The following UGT2B17 variants were observed in gnomAD, a reference collection of about 807,000 sequenced individuals.
UGT2B17 encodes the protein UDP-glucuronosyltransferase 2B17.
Under a neutral mutation model 48.2 loss-of-function variants are expected in UGT2B17, and 21 were observed. That is an observed-to-expected ratio of 0.44 (90% CI 0.31 to 0.63). The LOEUF (loss-of-function observed/expected upper bound fraction) is 0.63. Ranked by LOEUF, UGT2B17 falls within the 20% of genes least tolerant of loss-of-function variation. The pLI is 0.08. For synonymous variants in UGT2B17, 146 were observed against 238.4 expected (o/e 0.61, Z 3.57); for missense variants, 402 against 696.1 (o/e 0.58, Z 4.75).
At chr4:68,551,801 G>A (rs148623504) in intron 5 of UGT2B17, 23 bp downstream of exon 5, 25,092 of 1,253,218 alleles carry the variant, frequency 0.02, 5,810 homozygotes, top group Middle Eastern at 0.046. Context: ...AATATATTCA[G>A]TATTTGTTCT....
At chr4:68,563,254 G>T (rs1332343826) in intron 3 of UGT2B17, among the ~76,000 whole-genome samples, 2 of 127,072 alleles carry the variant, frequency 1.6e-5, no homozygotes, top group Non-Finnish European at 3.3e-5. Flanking sequence ...GTGTACAAAA[G>T]AATTAGAGAA....
Position 68,543,766 on chromosome 4 carries a change from C to A in UGT2B17, c.1314-5862G>T, listed in dbSNP as rs775802343. On this transcript the variant is annotated intron_variant, in intron 6 of 6. Transcript: ENST00000317746. ...CCTGATGGAGCTGAAAACCATGGCA[C>A]GAGAACTATGTGATGAATGCACAAG... Among the ~76,000 whole-genome samples, 2 of 124,714 alleles carry A rather than the reference C, an allele frequency of 1.6e-5. 1 individual carries two copies. The highest frequency in any genetic ancestry group is 3.4e-5 in the Non-Finnish European group (2 of 59,176). The allele number at this position is 124,714 out of a possible 152,430, so 81.8% of individuals were successfully genotyped here.
At chr4:68,555,856 A>T (rs1475977654) in intron 4 of UGT2B17, among the ~76,000 whole-genome samples, 1 of 123,858 alleles carries the variant, frequency 8.1e-6, no homozygotes, top group Non-Finnish European at 1.7e-5. Flanking sequence ...TTTAAAGGTT[A>T]TGTATAAAAC....
In UGT2B17 at chr4:68,568,056, CT is replaced by C; in HGVS notation, c.428del (p.Glu143GlyfsTer60). 1 of 1,382,994 alleles carries C rather than the reference CT, an allele frequency of 7.2e-7. No homozygotes were observed. Among genetic ancestry groups the C allele is most frequent in the Non-Finnish European group, 9.5e-7 (1 of 1,055,512 alleles). The allele number at this position is 1,382,994 out of a possible 1,614,324, so 85.7% of individuals were successfully genotyped here. The stretch of plus-strand genomic sequence containing the variant: ...CTGCCAGAAGGACATCAAATTTTGA[CT>C]CTTGTAGTTTTCTCATAAGTTTCTT... ...LNKKLMRKLQESKFDVLLADA... is the reference protein window; with the variant it reads ...LNKKLMRKLQXSKFDVLLADA... On this transcript the variant is annotated frameshift_variant, in exon 2 of 7. Coordinates refer to ENST00000317746, the MANE Select transcript of UGT2B17 (RefSeq NM_001077.4). LOFTEE classifies it high-confidence loss of function.
In UGT2B17 at chr4:68,539,852, T is replaced by G. The variant is rs1358546241; in HGVS notation, c.1314-1948A>C. Among the ~76,000 whole-genome samples the G allele has an allele frequency of 2.3e-4, 27 of 115,216 alleles. 4 individuals are homozygous for G. The highest frequency in any genetic ancestry group is 7.5e-4 in the African/African-American group (25 of 33,556). 75.6% of individuals were successfully genotyped at this position (115,216 alleles called of 152,430 possible). ...CAGGCTTGAGTATGACGGAGCGATC[T>G]TGGCTGACTGCAACTTACGTCTCCT... On this transcript the variant is annotated intron_variant, in intron 6 of 6. Coordinates refer to ENST00000317746, the MANE Select transcript of UGT2B17 (RefSeq NM_001077.4).
In UGT2B17 at chr4:68,565,730, A is replaced by G; in HGVS notation, c.725-10T>C. The G allele has an allele frequency of 7.5e-7, 1 of 1,329,908 alleles. No homozygotes were observed. The allele number at this position is 1,329,908 out of a possible 1,614,324, so 82.4% of individuals were successfully genotyped here. On this transcript the variant is annotated splice_polypyrimidine_tract_variant and intron_variant, in intron 2 of 6. Coordinates refer to ENST00000317746, the MANE Select transcript of UGT2B17 (RefSeq NM_001077.4). ...AATGTAGTGGGTCTTCCTGATGGAA[A>G]AAAACAAAACAAAACAAAAGGTAGC...
At position 68,561,796 on chromosome 4, in the gene UGT2B17, A is replaced by G. The variant is rs192186513; in HGVS notation, c.874-1128T>C. 3.4e-3 allele frequency among the ~76,000 whole-genome samples: 421 copies of G among 123,478 alleles called. 88 individuals carry two copies. The highest frequency in any genetic ancestry group is 0.011 in the African/African-American group (415 of 36,452). 81.0% of individuals were successfully genotyped at this position (123,478 alleles called of 152,430 possible). A position where few individuals can be genotyped will look rare whatever the true frequency, so the allele number is the denominator to read the frequency against. Reference sequence around the variant, plus strand: ...AATGTATTCTCACACCAAAAAAAAAAAAAAAGAAAAAGAAAGAGAGAAAGA... The same window carrying G: ...AATGTATTCTCACACCAAAAAAAAAGAAAAAGAAAAAGAAAGAGAGAAAGA... On this transcript the variant is annotated intron_variant, in intron 3 of 6. Coordinates refer to ENST00000317746, the MANE Select transcript of UGT2B17 (RefSeq NM_001077.4).
rs1230853500 is a variant in UGT2B17, at chr4:68,547,418, A to G, written c.1313+3259T>C. Among the ~76,000 whole-genome samples the G allele has an allele frequency of 1.6e-5, 2 of 126,514 alleles. 1 individual carries two copies. Among genetic ancestry groups the G allele is most frequent in the Non-Finnish European group, 3.3e-5 (2 of 59,706 alleles). The allele number at this position is 126,514 out of a possible 152,430, so 83.0% of individuals were successfully genotyped here. A position where few individuals can be genotyped will look rare whatever the true frequency, so the allele number is the denominator to read the frequency against. The stretch of plus-strand genomic sequence containing the variant: ...TACCTTCCTTACACCTTATACAAAA[A>G]TTAATTGAAGATGGATTAAAGACTT... On this transcript the variant is annotated intron_variant, in intron 6 of 6. Transcript: ENST00000317746.
rs1054051178 is a variant in UGT2B17, at chr4:68,552,731, T to G, written c.1006-820A>C. Among the ~76,000 whole-genome samples the G allele has an allele frequency of 1.1e-4, 14 of 125,942 alleles. 4 individuals carry two copies. Among genetic ancestry groups the G allele is most frequent in the Middle Eastern group, 4.0e-3 (1 of 252 alleles). 82.6% of individuals were successfully genotyped at this position (125,942 alleles called of 152,430 possible). On this transcript the variant is annotated intron_variant, in intron 4 of 6. Coordinates refer to ENST00000317746, the MANE Select transcript of UGT2B17 (RefSeq NM_001077.4). Reference sequence around the variant, plus strand: ...GAGCTAACTTTATGGCTCAAACAAATAAGACAATTGGCTGAGGTCTGGGAG... The same window carrying G: ...GAGCTAACTTTATGGCTCAAACAAAGAAGACAATTGGCTGAGGTCTGGGAG...
chr4:68,561,724 T>G lies in UGT2B17; in HGVS notation c.874-1056A>C, dbSNP rs1470208677. Among the ~76,000 whole-genome samples, 2 of 120,444 alleles carry G rather than the reference T, an allele frequency of 1.7e-5. 1 individual carries two copies. Among genetic ancestry groups the G allele is most frequent in the African/African-American group, 5.7e-5 (2 of 35,126 alleles). The allele number at this position is 120,444 out of a possible 152,430, so 79.0% of individuals were successfully genotyped here. On this transcript the variant is annotated intron_variant, in intron 3 of 6. Coordinates refer to ENST00000317746, the MANE Select transcript of UGT2B17 (RefSeq NM_001077.4). ...TTATTCTGACTTGTGTTTCCTGATGTGTTCCTGTTTTTAAACTTAAATCCA... is the reference window on the plus strand; with the variant it reads ...TTATTCTGACTTGTGTTTCCTGATGGGTTCCTGTTTTTAAACTTAAATCCA...
Position 68,568,033 on chromosome 4 carries a change from G to T in UGT2B17, c.452C>A (p.Ala151Glu). 1 of 1,382,710 alleles carries T rather than the reference G, an allele frequency of 7.2e-7. No individual in the cohort carries two copies. The highest frequency in any genetic ancestry group is 1.5e-5 in the African/African-American group (1 of 67,926). 85.7% of individuals were successfully genotyped at this position (1,382,710 alleles called of 1,614,324 possible). The change falls in exon 2 of 7, where the codon GCA (alanine) becomes GAA (glutamate). Residue 151 changes from alanine (A) to glutamate (E), a missense_variant. Around this residue, in one of 5 missense-constraint regions of UGT2B17, gnomAD observed 84 missense variants for 92.6 expected, o/e 0.91. Transcript: ENST00000317746. ...LQESKFDVLL[A>E]DAVNPCGELL... ...CTCACCACAGGGATTAACGGCATCT[G>T]CCAGAAGGACATCAAATTTTGACTC...
intron 1 of UGT2B17, among the ~76,000 whole-genome samples, chr4:68,572,121 C>A (rs1369098304): frequency 1.6e-5 from 2 of 125,708 alleles, no homozygotes; most frequent in Admixed American, 8.2e-5. Context: ...CCAGTATTGA[C>A]ACATCTCACA....
intron 6 of UGT2B17, among the ~76,000 whole-genome samples, chr4:68,550,287 T>C (rs1730891136): frequency 8.0e-6 from 1 of 125,520 alleles, no homozygotes; most frequent in Admixed American, 8.2e-5. Context: ...TTGATTAAAA[T>C]AATGATAATA....
Position 68,537,569 on chromosome 4 carries a change from T to C in UGT2B17, c.*56A>G. ...ATCCTCCATTTAAAACCCTCCATGC[T>C]GGAATAAAGGAGGAGTCCCATCTTT... On this transcript the variant is annotated 3_prime_UTR_variant, in exon 7 of 7. Transcript: ENST00000317746. The C allele has an allele frequency of 8.0e-7, 1 of 1,257,546 alleles. No homozygotes were observed. Among genetic ancestry groups the C allele is most frequent in the Admixed American group, 2.5e-5 (1 of 40,120 alleles). The allele number at this position is 1,257,546 out of a possible 1,614,324, so 77.9% of individuals were successfully genotyped here.
intron 5 of UGT2B17, 133 bp downstream of exon 5, chr4:68,551,691 A>G: frequency 3.2e-6 from 2 of 628,010 alleles, no homozygotes; most frequent in Non-Finnish European, 4.5e-6. Flanking sequence ...GAAAATAAAT[A>G]TAAAGTAGTT....
chr4:68,556,042 T>C lies in UGT2B17; in HGVS notation c.1006-4131A>G, dbSNP rs1168148909. Among the ~76,000 whole-genome samples, 3 of 120,814 alleles carry C rather than the reference T, an allele frequency of 2.5e-5. 1 individual carries two copies. Among genetic ancestry groups the C allele is most frequent in the Non-Finnish European group, 5.2e-5 (3 of 57,498 alleles). 79.3% of individuals were successfully genotyped at this position (120,814 alleles called of 152,430 possible). A position where few individuals can be genotyped will look rare whatever the true frequency, so the allele number is the denominator to read the frequency against. ...TCAGTTGTGTAAGAAAGAAGGATGTTCAGGACAAACCAGAAAGTCCAAACA... is the reference window on the plus strand; with the variant it reads ...TCAGTTGTGTAAGAAAGAAGGATGTCCAGGACAAACCAGAAAGTCCAAACA... On this transcript the variant is annotated intron_variant, in intron 4 of 6. Coordinates refer to ENST00000317746, the MANE Select transcript of UGT2B17 (RefSeq NM_001077.4).
chr4:68,562,479 C>T (rs1731122480), intron 3 of UGT2B17, among the ~76,000 whole-genome samples: 1 of 125,824 alleles, frequency 7.9e-6, no homozygotes, highest in Non-Finnish European at 1.7e-5. Flanking sequence ...CATCCAGGAA[C>T]TCAGTGTAAT....
Position 68,574,021 on chromosome 4 carries a change from C to T in UGT2B17, c.-65+1930G>A, listed in dbSNP as rs1189344941. 8.7e-5 allele frequency among the ~76,000 whole-genome samples: 11 copies of T among 126,658 alleles called. 3 individuals are homozygous for T. The highest frequency in any genetic ancestry group is 7.2e-4 in the Admixed American group (9 of 12,462). The allele number at this position is 126,658 out of a possible 152,430, so 83.1% of individuals were successfully genotyped here. On this transcript the variant is annotated intron_variant, in intron 1 of 6. Coordinates refer to ENST00000317746, the MANE Select transcript of UGT2B17 (RefSeq NM_001077.4). ...CACACCTGGTGAACTGGAGGACCACCGTAGTGGGAAGGGGACAATTAGGGC... is the reference window on the plus strand; with the variant it reads ...CACACCTGGTGAACTGGAGGACCACTGTAGTGGGAAGGGGACAATTAGGGC...
chr4:68,554,181 C>T lies in UGT2B17; in HGVS notation c.1006-2270G>A, dbSNP rs1385930411. On this transcript the variant is annotated intron_variant, in intron 4 of 6. Coordinates refer to ENST00000317746, the MANE Select transcript of UGT2B17 (RefSeq NM_001077.4). The stretch of plus-strand genomic sequence containing the variant: ...ACTGTGGAGTACTGCCCACAAGCAG[C>T]ACACATTGATTCACCACACATAAAC... Among the ~76,000 whole-genome samples, 25 of 124,702 alleles carry T rather than the reference C, an allele frequency of 2.0e-4. 3 individuals carry two copies. The highest frequency in any genetic ancestry group is 3.2e-4 in the Non-Finnish European group (19 of 58,982). 81.8% of individuals were successfully genotyped at this position (124,702 alleles called of 152,430 possible).
Sources: allele counts gnomAD v4.1 joint callset (sites outside exome capture counted in the v4.1 genomes callset), GRCh38; gene constraint gnomAD v4.1.1; regional missense constraint gnomAD v4.1.1; transcripts MANE v1.5; gene names NCBI Gene and HGNC (gene_info 2026-07-23, HGNC 2026-07-21).